The following SNTB1 variants were observed in gnomAD, a reference collection of about 807,000 sequenced individuals.
The protein encoded by SNTB1 is beta-1-syntrophin.
SNTB1 carries 36 observed loss-of-function variants against 48.9 expected under a neutral mutation model. The ratio of observed to expected loss-of-function variants is 0.74; its 90% CI spans 0.56 to 0.97. The LOEUF is 0.97. Among genes scored for constraint, SNTB1 ranks in the 50% least tolerant of loss-of-function variants. The probability of loss-of-function intolerance (pLI) is 0.00; values close to 1 mark genes in which losing one functional copy is unlikely to be tolerated. For synonymous variants in SNTB1, 299 were observed against 294.6 expected (o/e 1.01, Z -0.15); for missense variants, 786 against 703.4 (o/e 1.12, Z -1.33).
intron 1 of SNTB1, among the ~76,000 whole-genome samples, chr8:120,730,826 A>G (rs937429856): frequency 2.5e-4 from 38 of 152,134 alleles, no homozygotes; most frequent in African/African-American, 8.7e-4. Context: ...GGTTTGCTTA[A>G]TAAATAATAG....
intron 1 of SNTB1, among the ~76,000 whole-genome samples, chr8:120,708,690 A>G (rs1818416031): frequency 6.6e-6 from 1 of 152,204 alleles, no homozygotes; most frequent in African/African-American, 2.4e-5. Flanking sequence ...CAATATATTA[A>G]CAGATAAAAG....
At chr8:120,575,025 G>T in intron 4 of SNTB1, 61 bp downstream of exon 4, 1 of 1,606,106 alleles carries the variant, frequency 6.2e-7, no homozygotes. Context: ...TGAGCTAATT[G>T]TAATTCATTA....
chr8:120,543,473 A>G (rs1212521158), intron 5 of SNTB1, among the ~76,000 whole-genome samples: 1 of 152,164 alleles, frequency 6.6e-6, no homozygotes, highest in African/African-American at 2.4e-5. Flanking sequence ...ACACGGCCCA[A>G]TATTATAGGT....
At chr8:120,756,076 G>C (rs964686924) in intron 1 of SNTB1, among the ~76,000 whole-genome samples, 1 of 152,110 alleles carries the variant, frequency 6.6e-6, no homozygotes, top group Non-Finnish European at 1.5e-5. Context: ...GCCTACATTG[G>C]AGCATTCTGG....
chr8:120,706,999 G>A (rs1399080660), intron 1 of SNTB1, among the ~76,000 whole-genome samples: 1 of 152,180 alleles, frequency 6.6e-6, no homozygotes, highest in Non-Finnish European at 1.5e-5. Context: ...AGAGGCATCT[G>A]AAGGTAAGGT....
At chr8:120,571,461 A>C in intron 4 of SNTB1, 1 of 399,194 alleles carries the variant, frequency 2.5e-6, no homozygotes, top group South Asian at 2.0e-5. Flanking sequence ...AAGGATGTTT[A>C]CATTCTGACT....
At chr8:120,745,597 T>C (rs1227728378) in intron 1 of SNTB1, among the ~76,000 whole-genome samples, 1 of 152,108 alleles carries the variant, frequency 6.6e-6, no homozygotes, top group Non-Finnish European at 1.5e-5. Flanking sequence ...CCTAGCTCCC[T>C]CATTTGTCAG....
intron 3 of SNTB1, among the ~76,000 whole-genome samples, chr8:120,595,544 G>A (rs1339023310): frequency 6.6e-6 from 1 of 152,016 alleles, no homozygotes; most frequent in Non-Finnish European, 1.5e-5. Context: ...AGCCCTAGGG[G>A]CTGCTCTGTC....
intron 1 of SNTB1, among the ~76,000 whole-genome samples, chr8:120,694,551 C>G (rs1818180905): frequency 6.6e-6 from 1 of 150,960 alleles, no homozygotes; most frequent in African/African-American, 2.4e-5. Context: ...ATCATTAATT[C>G]TTAATATATA....
At chr8:120,616,298 A>ATT (rs137921428) in intron 3 of SNTB1, among the ~76,000 whole-genome samples, 4 of 122,110 alleles carry the variant, frequency 3.3e-5, no homozygotes, top group South Asian at 2.6e-4. Flanking sequence ...GATTAGCTTG[A>ATT]TTTTTTTTTT....
At chr8:120,672,710 G>A (rs1265189831) in intron 2 of SNTB1, among the ~76,000 whole-genome samples, 1 of 152,196 alleles carries the variant, frequency 6.6e-6, no homozygotes, top group Admixed American at 6.5e-5. Context: ...AATCCATTCA[G>A]TGTAATATTT....
chr8:120,650,140 C>T (rs972013338), intron 2 of SNTB1, among the ~76,000 whole-genome samples: 38 of 152,218 alleles, frequency 2.5e-4, no homozygotes, highest in South Asian at 4.1e-4. Flanking sequence ...GCATCGCTCA[C>T]GCTGGGAGCT....
At chr8:120,605,875 G>T (rs1816506630) in intron 3 of SNTB1, among the ~76,000 whole-genome samples, 1 of 152,104 alleles carries the variant, frequency 6.6e-6, no homozygotes, top group Non-Finnish European at 1.5e-5. Flanking sequence ...CTGGGAAAAT[G>T]CAGCCCTGCA....
chr8:120,703,614 G>C (rs1020641377), intron 1 of SNTB1, among the ~76,000 whole-genome samples: 1 of 152,124 alleles, frequency 6.6e-6, no homozygotes, highest in African/African-American at 2.4e-5. Context: ...AAAAGCCAGA[G>C]AAAAAATGCT....
chr8:120,757,291 A>T (rs139997528), intron 1 of SNTB1, among the ~76,000 whole-genome samples: 2 of 152,306 alleles, frequency 1.3e-5, no homozygotes, highest in African/African-American at 4.8e-5. Flanking sequence ...TGCAGTAACC[A>T]GGCCAGCTGA....
At position 120,811,952 on chromosome 8, in the gene SNTB1, C is replaced by T; in HGVS notation, c.-109G>A. 1 of 1,272,458 alleles carries T rather than the reference C, an allele frequency of 7.9e-7. No homozygotes were observed. Among genetic ancestry groups the T allele is most frequent in the South Asian group, 2.8e-5 (1 of 35,804 alleles). 78.8% of individuals were successfully genotyped at this position (1,272,458 alleles called of 1,614,324 possible). ...GGGGGAGCGAGGAGAGTGCGTCCCG[C>T]GGGGAGGTGGCGGCACGCGGGACTC... On this transcript the variant is annotated 5_prime_UTR_variant, in exon 1 of 7. Transcript: ENST00000517992.
chr8:120,647,029 T>C (rs1402152230), intron 2 of SNTB1, among the ~76,000 whole-genome samples: 1 of 150,696 alleles, frequency 6.6e-6, no homozygotes, highest in Non-Finnish European at 1.5e-5. Context: ...TATCATTTTT[T>C]ATTGCGTCTA....
intron 4 of SNTB1, among the ~76,000 whole-genome samples, chr8:120,566,673 C>T (rs946181753): frequency 6.6e-5 from 10 of 152,124 alleles, no homozygotes; most frequent in African/African-American, 2.4e-4. Context: ...TCAGAAACAC[C>T]TGGAGGCTTG....
chr8:120,676,368 T>C (rs181547407), intron 2 of SNTB1, among the ~76,000 whole-genome samples: 3 of 152,298 alleles, frequency 2.0e-5, no homozygotes, highest in East Asian at 3.9e-4. Flanking sequence ...GAAAAGTAGA[T>C]CTTATTATGC....
Sources: allele counts gnomAD v4.1 joint callset (sites outside exome capture counted in the v4.1 genomes callset), GRCh38; gene constraint gnomAD v4.1.1; transcripts MANE v1.5; gene names NCBI Gene and HGNC (gene_info 2026-07-23, HGNC 2026-07-21).